Variants in LDLRAD4 observed in about 807,000 individuals in gnomAD.
LDLRAD4 encodes the protein low-density lipoprotein receptor class A domain-containing protein 4.
LDLRAD4 carries 5 observed loss-of-function variants against 17.0 expected under a neutral mutation model. The ratio of observed to expected loss-of-function variants is 0.29; its 90% CI spans 0.15 to 0.62. The LOEUF is 0.62. Among genes scored for constraint, LDLRAD4 ranks in the 20% least tolerant of loss-of-function variants. The probability of loss-of-function intolerance (pLI) is 0.84; values close to 1 mark genes in which losing one functional copy is unlikely to be tolerated. For synonymous variants in LDLRAD4, 168 were observed against 171.8 expected, an observed-to-expected ratio of 0.98 and a Z score of 0.17; for missense variants, 340 against 424.7, an observed-to-expected ratio of 0.80 and a Z score of 1.75.
At chr18:13,576,505 G>A (rs1211064248) in intron 3 of LDLRAD4, among the ~76,000 whole-genome samples, 2 of 151,708 alleles carry the variant, frequency 1.3e-5, no homozygotes, top group African/African-American at 4.8e-5. Context: ...TTAAAGCCAT[G>A]TAATTCTTGC....
chr18:13,447,121 C>T (rs1475098063), intron 3 of LDLRAD4, among the ~76,000 whole-genome samples: 3 of 131,234 alleles, frequency 2.3e-5, no homozygotes, highest in Non-Finnish European at 4.9e-5. Flanking sequence ...GGACAGGGCT[C>T]CCCGCCCGCC....
At chr18:13,296,119 G>A (rs1176837414) in intron 1 of LDLRAD4, among the ~76,000 whole-genome samples, 4 of 152,258 alleles carry the variant, frequency 2.6e-5, no homozygotes, top group African/African-American at 2.4e-5. Context: ...CCTCCAGCGC[G>A]GTTTCACGAG....
At chr18:13,350,724 G>T (rs1163140222) in intron 1 of LDLRAD4, among the ~76,000 whole-genome samples, 1 of 152,172 alleles carries the variant, frequency 6.6e-6, no homozygotes, top group Non-Finnish European at 1.5e-5. Flanking sequence ...GTCCTGAATG[G>T]TATTGCCTAG....
chr18:13,363,849 C>A (rs944329317), intron 1 of LDLRAD4, among the ~76,000 whole-genome samples: 2 of 152,182 alleles, frequency 1.3e-5, no homozygotes, highest in African/African-American at 4.8e-5. Flanking sequence ...CTAGAGTACT[C>A]TTTTGGTGGA....
intron 3 of LDLRAD4, chr18:13,459,929 C>A (rs1283088587): frequency 3.9e-5 from 6 of 154,036 alleles, no homozygotes. Flanking sequence ...GGTAAGCATA[C>A]CCTAAGTTTC....
intron 1 of LDLRAD4, among the ~76,000 whole-genome samples, chr18:13,364,051 T>C (rs909483017): frequency 1.3e-5 from 2 of 152,196 alleles, no homozygotes; most frequent in South Asian, 2.1e-4. Context: ...AATGTTCTGT[T>C]CTAAAGAATA....
At chr18:13,318,912 C>A (rs567923706) in intron 1 of LDLRAD4, among the ~76,000 whole-genome samples, 8 of 152,224 alleles carry the variant, frequency 5.3e-5, no homozygotes, top group African/African-American at 1.9e-4. Flanking sequence ...CCGCAGTCCC[C>A]TTCCCTAGTG....
At chr18:13,331,817 CTG>C (rs1322860269) in intron 1 of LDLRAD4, among the ~76,000 whole-genome samples, 2 of 152,242 alleles carry the variant, frequency 1.3e-5, no homozygotes, top group Admixed American at 6.5e-5. Context: ...GGAGGTTTCT[CTG>C]TTTCTCTTTT....
At chr18:13,428,845 A>C (rs1000786354) in intron 2 of LDLRAD4, among the ~76,000 whole-genome samples, 2 of 152,092 alleles carry the variant, frequency 1.3e-5, no homozygotes, top group Admixed American at 6.5e-5. Context: ...TGGGAAAATG[A>C]GGTATTTGGC....
At chr18:13,302,815 G>T (rs2046680371) in intron 1 of LDLRAD4, among the ~76,000 whole-genome samples, 1 of 152,180 alleles carries the variant, frequency 6.6e-6, no homozygotes, top group African/African-American at 2.4e-5. Flanking sequence ...ACATGCAGTT[G>T]TGTTACATGC....
chr18:13,605,740 T>G (rs534365645), intron 3 of LDLRAD4, among the ~76,000 whole-genome samples: 1 of 152,172 alleles, frequency 6.6e-6, no homozygotes, highest in East Asian at 1.9e-4. Flanking sequence ...TTGAGTACTG[T>G]TCTTTAAAAT....
At chr18:13,393,093 C>G (rs1475695187) in intron 2 of LDLRAD4, among the ~76,000 whole-genome samples, 1 of 152,028 alleles carries the variant, frequency 6.6e-6, no homozygotes, top group Non-Finnish European at 1.5e-5. Context: ...CCGGCGTGCC[C>G]TTCCCACCCC....
At chr18:13,376,047 T>TC (rs2084884309) in intron 1 of LDLRAD4, among the ~76,000 whole-genome samples, 1 of 152,158 alleles carries the variant, frequency 6.6e-6, no homozygotes, top group Non-Finnish European at 1.5e-5. Context: ...AAGTCCTCGT[T>TC]CTTGCCGTTT....
At chr18:13,446,846 C>T (rs750990388) in intron 3 of LDLRAD4, among the ~76,000 whole-genome samples, 5 of 152,274 alleles carry the variant, frequency 3.3e-5, no homozygotes, top group Admixed American at 6.5e-5. Context: ...CTTGTCTGAG[C>T]GCATTGGCTC....
rs565632749 is a variant in LDLRAD4, at chr18:13,616,996, T to G, written c.182-4121T>G. On this transcript the variant is annotated intron_variant, in intron 3 of 5. Coordinates refer to ENST00000359446, the Ensembl canonical transcript of LDLRAD4. ...CTGGGCATGACTCATATTTGGAGCCTCAGGGCAACAGCATGGTGCAGGTGT... is the reference window on the plus strand; with the variant it reads ...CTGGGCATGACTCATATTTGGAGCCGCAGGGCAACAGCATGGTGCAGGTGT... 2.6e-5 allele frequency among the ~76,000 whole-genome samples: 4 copies of G among 152,270 alleles called. No individual in the cohort carries two copies. In the East Asian group the frequency reaches 7.7e-4, roughly 29 times the overall value.
At chr18:13,488,356 T>C (rs2093281882) in intron 3 of LDLRAD4, 1 of 152,204 alleles carries the variant, frequency 6.6e-6, no homozygotes, top group Non-Finnish European at 1.5e-5. Context: ...GAGAGCAAGA[T>C]AGAAACAGGT....
At chr18:13,456,857 A>G (rs138151845) in intron 3 of LDLRAD4, among the ~76,000 whole-genome samples, 1 of 152,192 alleles carries the variant, frequency 6.6e-6, no homozygotes, top group Non-Finnish European at 1.5e-5. Flanking sequence ...TTCTTGGGAT[A>G]TGTGGTTTTT....
At chr18:13,232,499 C>T (rs771079836) in intron 1 of LDLRAD4, among the ~76,000 whole-genome samples, 4 of 150,480 alleles carry the variant, frequency 2.7e-5, no homozygotes, top group African/African-American at 7.5e-5. Context: ...GCTGCTGCCC[C>T]GTGCTGTGCT....
intron 2 of LDLRAD4, among the ~76,000 whole-genome samples, chr18:13,412,447 T>C (rs1384487701): frequency 6.6e-6 from 1 of 152,184 alleles, no homozygotes; most frequent in East Asian, 1.9e-4. Context: ...TAAGGTTCCA[T>C]ATTTCTCTAT....
Sources: gnomAD v4.1 joint callset for allele counts (sites outside exome capture counted in the v4.1 genomes callset) on GRCh38, gnomAD v4.1.1 for gene constraint, MANE v1.5 for transcripts, NCBI Gene and HGNC (gene_info 2026-07-23, HGNC 2026-07-21) for gene names.